FILIP1L: variants seen among roughly 807,000 people sequenced by gnomAD.
The protein encoded by FILIP1L is filamin A-interacting protein 1-like.
Under a neutral mutation model 96.6 loss-of-function variants are expected in FILIP1L, and 55 were observed. The ratio of observed to expected loss-of-function variants is 0.57; its 90% CI spans 0.46 to 0.71. The LOEUF is 0.71. Among genes scored for constraint, FILIP1L ranks in the 30% least tolerant of loss-of-function variants. FILIP1L has a pLI of 0.00. For synonymous variants in FILIP1L, 467 were observed against 473.9 expected (o/e 0.99, Z 0.19); for missense variants, 1,304 against 1,321.2 (o/e 0.99, Z 0.20).
intron 5 of FILIP1L, among the ~76,000 whole-genome samples, chr3:99,838,613 CT>C (rs1296357721): frequency 6.6e-6 from 1 of 152,146 alleles, no homozygotes; most frequent in Non-Finnish European, 1.5e-5. Context: ...TCAAATTCAA[CT>C]TATAATGAAT....
chr3:99,911,545 G>T (rs957767788), intron 4 of FILIP1L, among the ~76,000 whole-genome samples: 2 of 151,882 alleles, frequency 1.3e-5, no homozygotes, highest in Non-Finnish European at 1.5e-5. Flanking sequence ...GTATGCCCTG[G>T]CTCTAAAATA....
intron 1 of FILIP1L, among the ~76,000 whole-genome samples, chr3:99,944,209 G>T (rs1228120287): frequency 6.6e-6 from 1 of 152,176 alleles, no homozygotes; most frequent in African/African-American, 2.4e-5. Flanking sequence ...GTTATTTTGT[G>T]CCTAACTGAG....
chr3:100,111,313 A>C (rs531795680), intron 1 of FILIP1L, among the ~76,000 whole-genome samples: 1 of 152,188 alleles, frequency 6.6e-6, no homozygotes, highest in Admixed American at 6.5e-5. Context: ...ACTCATGTTG[A>C]AAATGCAGAA....
At chr3:99,941,562 G>A (rs1009303536) in intron 1 of FILIP1L, among the ~76,000 whole-genome samples, 8 of 152,136 alleles carry the variant, frequency 5.3e-5, no homozygotes, top group African/African-American at 1.4e-4. Flanking sequence ...GAAAAGTGAG[G>A]GCAGAAAGGT....
chr3:100,081,014 A>G (rs1324824294), intron 1 of FILIP1L, among the ~76,000 whole-genome samples: 3 of 152,212 alleles, frequency 2.0e-5, no homozygotes, highest in Admixed American at 2.0e-4. Flanking sequence ...TTCAAGAACT[A>G]TCTGTTGAGC....
intron 1 of FILIP1L, among the ~76,000 whole-genome samples, chr3:100,034,202 G>T (rs986077582): frequency 3.3e-5 from 5 of 152,120 alleles, no homozygotes; most frequent in African/African-American, 1.2e-4. Flanking sequence ...GCACAAGACT[G>T]GTTTTTCTAG....
intron 1 of FILIP1L, among the ~76,000 whole-genome samples, chr3:100,042,346 C>G (rs1026554643): frequency 2.1e-4 from 31 of 150,896 alleles, no homozygotes; most frequent in African/African-American, 7.5e-4. Context: ...AACAAAAAAA[C>G]ATTGGCTCTG....
At chr3:99,887,424 G>A (rs1705938580) in intron 4 of FILIP1L, among the ~76,000 whole-genome samples, 1 of 152,204 alleles carries the variant, frequency 6.6e-6, no homozygotes, top group African/African-American at 2.4e-5. Flanking sequence ...TGGCTCTCAT[G>A]GAGCAGAGCT....
At chr3:100,011,410 C>T (rs2107195436) in intron 1 of FILIP1L, among the ~76,000 whole-genome samples, 2 of 152,216 alleles carry the variant, frequency 1.3e-5, no homozygotes, top group Non-Finnish European at 2.9e-5. Flanking sequence ...TAGAGACTAA[C>T]TTAATAAAAA....
chr3:100,074,655 C>G (rs1321034380), intron 1 of FILIP1L, among the ~76,000 whole-genome samples: 1 of 76,192 alleles, frequency 1.3e-5, no homozygotes. Context: ...ATCTTATTTT[C>G]TATGCATGTG....
At chr3:99,983,458 A>ATG (rs71132503) in intron 1 of FILIP1L, among the ~76,000 whole-genome samples, 24 of 16,234 alleles carry the variant, frequency 1.5e-3, no homozygotes, top group African/African-American at 5.0e-3. Context: ...ATATATATAT[A>ATG]TGTGTGTATA....
In FILIP1L at chr3:99,868,444, A is replaced by ACC. The variant is rs1350401883; in HGVS notation, c.606-17376_606-17375dup. ...GCCCCCTATATGTCAGCCCAGCAGC[A>ACC]CCAGATGATGAAGGAGCATCATCCC... On this transcript the variant is annotated intron_variant, in intron 4 of 5. Transcript: ENST00000477258. 2.0e-5 allele frequency among the ~76,000 whole-genome samples: 3 copies of ACC among 152,306 alleles called. No homozygotes were observed. In the East Asian group the frequency reaches 5.8e-4, roughly 29 times the overall value.
intron 1 of FILIP1L, among the ~76,000 whole-genome samples, chr3:100,058,173 C>T (rs1207218655): frequency 2.0e-5 from 3 of 152,240 alleles, no homozygotes; most frequent in Non-Finnish European, 4.4e-5. Context: ...AGACTCCTAT[C>T]TGTCTGACTC....
intron 3 of FILIP1L, among the ~76,000 whole-genome samples, chr3:99,927,042 T>A (rs1707315195): frequency 6.6e-6 from 1 of 152,172 alleles, no homozygotes; most frequent in Non-Finnish European, 1.5e-5. Context: ...CTTGGCCCCA[T>A]CTTCACTCCA....
At chr3:100,109,540 TGG>T (rs1318658907) in intron 1 of FILIP1L, among the ~76,000 whole-genome samples, 1 of 152,140 alleles carries the variant, frequency 6.6e-6, no homozygotes, top group Non-Finnish European at 1.5e-5. Context: ...CTATAGTTTT[TGG>T]GGGTTTTTTC....
chr3:100,057,832 T>C (rs2065491385), intron 1 of FILIP1L, among the ~76,000 whole-genome samples: 1 of 152,194 alleles, frequency 6.6e-6, no homozygotes. Context: ...GTCACTGCCC[T>C]CATCCTTGTT....
Position 100,086,231 on chromosome 3 carries a change from G to A in FILIP1L, c.-11+27822C>T, listed in dbSNP as rs140265738. 3.0e-3 allele frequency among the ~76,000 whole-genome samples: 453 copies of A among 152,260 alleles called. 2 individuals are homozygous for A. The highest frequency in any genetic ancestry group is 0.01 in the African/African-American group (416 of 41,536). ...GCTTTATTTTATTCAGTCTCAAATA[G>A]TTAACCTATTGAGCTGATTAGAAAA... On this transcript the variant is annotated intron_variant, in intron 1 of 5. Coordinates refer to ENST00000477258, the MANE Select transcript of FILIP1L (RefSeq NM_001387850.1).
At chr3:99,988,527 A>ATG (rs61144932) in intron 1 of FILIP1L, among the ~76,000 whole-genome samples, 2 of 130,214 alleles carry the variant, frequency 1.5e-5, no homozygotes, top group Non-Finnish European at 3.2e-5. Flanking sequence ...AAAAAAAAAA[A>ATG]AAAGAAAGAA....
At chr3:100,101,458 T>C (rs2066303881) in intron 1 of FILIP1L, among the ~76,000 whole-genome samples, 1 of 151,986 alleles carries the variant, frequency 6.6e-6, no homozygotes. Flanking sequence ...CAAAGAAAAA[T>C]GCAGAGAGGC....
Sources: allele counts gnomAD v4.1 joint callset (sites outside exome capture counted in the v4.1 genomes callset), GRCh38; gene constraint gnomAD v4.1.1; transcripts MANE v1.5; gene names NCBI Gene and HGNC (gene_info 2026-07-23, HGNC 2026-07-21).